ERC2: variants seen among roughly 807,000 people sequenced by gnomAD.
ERC2 encodes the protein ERC protein 2.
ERC2 carries 42 observed loss-of-function variants against 114.8 expected under a neutral mutation model. The observed-to-expected ratio is 0.37, with a 90% CI of 0.29 to 0.47. The LOEUF (loss-of-function observed/expected upper bound fraction) is 0.47, where lower values mean the gene tolerates loss of function less well. Among genes scored for constraint, ERC2 ranks in the 20% least tolerant of loss-of-function variants. ERC2 has a pLI of 0.99. For synonymous variants in ERC2, 454 were observed against 425.5 expected (o/e 1.07, Z -0.82); for missense variants, 939 against 1,150.7 (o/e 0.82, Z 2.66).
intron 15 of ERC2, among the ~76,000 whole-genome samples, chr3:55,719,876 A>T (rs932638849): frequency 7.9e-5 from 12 of 152,042 alleles, no homozygotes; most frequent in African/African-American, 2.7e-4. Context: ...TCATTGTTGG[A>T]TGGGTATAAA....
intron 17 of ERC2, among the ~76,000 whole-genome samples, chr3:55,645,052 G>A (rs908508098): frequency 2.6e-5 from 4 of 152,198 alleles, no homozygotes; most frequent in African/African-American, 9.7e-5. Context: ...GAACCTGGAA[G>A]AGGGTACTTG....
rs2049740701 is a variant in ERC2, at chr3:56,219,378, G to A, written c.1075-45858C>T. 2.6e-5 allele frequency among the ~76,000 whole-genome samples: 4 copies of A among 152,074 alleles called. No individual in the cohort carries two copies. In the South Asian group the frequency reaches 8.3e-4, roughly 31 times the overall value. On this transcript the variant is annotated intron_variant, in intron 3 of 17. Transcript: ENST00000288221. ...GAAACTCTGGTCTAACCTCCAGCAA[G>A]TGATGGAGCCATTCATTTACTTCTT...
chr3:56,450,039 C>A (rs1000917741), intron 1 of ERC2, among the ~76,000 whole-genome samples: 10 of 152,210 alleles, frequency 6.6e-5, no homozygotes, highest in African/African-American at 2.4e-4. Flanking sequence ...TATTATGCAT[C>A]CATAGTTATT....
At chr3:56,439,284 A>C (rs1392242719) in intron 1 of ERC2, among the ~76,000 whole-genome samples, 1 of 152,182 alleles carries the variant, frequency 6.6e-6, no homozygotes, top group Non-Finnish European at 1.5e-5. Context: ...GTCTCTAAAA[A>C]AAATTTTTAA....
chr3:55,734,639 T>C, intron 15 of ERC2, 132 bp downstream of exon 15: 1 of 1,054,684 alleles, frequency 9.5e-7, no homozygotes, highest in Non-Finnish European at 1.3e-6. Context: ...CTGGGTCCAT[T>C]GCACTCCTAC....
rs73078483 is a variant in ERC2, at chr3:56,136,760, C to T, written c.1473+2749G>A. 9.1e-3 allele frequency among the ~76,000 whole-genome samples: 1,385 copies of T among 152,082 alleles called. 6 individuals carry two copies. The highest frequency in any genetic ancestry group is 0.015 in the Non-Finnish European group (1,028 of 68,000). ...TAAATTGCTCCCCCTAAGAGACAGA[C>T]GTAATTAGATAAGTTTCTCCTCTGT... is the stretch of plus-strand genomic sequence containing the variant. On this transcript the variant is annotated intron_variant, in intron 6 of 17. Coordinates refer to ENST00000288221, the MANE Select transcript of ERC2 (RefSeq NM_015576.3).
Position 56,446,625 on chromosome 3 carries a change from C to CTTTTTTTTTTTTTTTTT in ERC2, c.-140-11479_-140-11478insAAAAAAAAAAAAAAAAA, listed in dbSNP as rs1318263302. Among the ~76,000 whole-genome samples, 54 of 112,314 alleles carry CTTTTTTTTTTTTTTTTT rather than the reference C, an allele frequency of 4.8e-4. 1 individual carries two copies. The highest frequency in any genetic ancestry group is 9.4e-4 in the Admixed American group (9 of 9,622). The allele number at this position is 112,314 out of a possible 152,430, so 73.7% of individuals were successfully genotyped here. A position where few individuals can be genotyped will look rare whatever the true frequency, so the allele number is the denominator to read the frequency against. ...CGCATTTTCTTCTTTTTTTTTTTTTCTTTCTTTTTTTTTTTTTTGAGACGG... is the reference window on the plus strand; with the variant it reads ...CGCATTTTCTTCTTTTTTTTTTTTTCTTTTTTTTTTTTTTTTTTTTCTTTTTTTTTTTTTTGAGACGG... On this transcript the variant is annotated intron_variant, in intron 1 of 17. Transcript: ENST00000288221.
At chr3:56,045,059 A>G (rs1261522587) in intron 7 of ERC2, among the ~76,000 whole-genome samples, 1 of 152,196 alleles carries the variant, frequency 6.6e-6, no homozygotes, top group Non-Finnish European at 1.5e-5. Context: ...ATTTTATGGT[A>G]GATTAGAAAA....
At chr3:56,307,053 A>G (rs1560562883) in intron 2 of ERC2, among the ~76,000 whole-genome samples, 1 of 152,190 alleles carries the variant, frequency 6.6e-6, no homozygotes, top group Non-Finnish European at 1.5e-5. Flanking sequence ...GGGCACTGTG[A>G]TACACACTGG....
chr3:55,619,686 A>C (rs1353719523), intron 17 of ERC2, among the ~76,000 whole-genome samples: 1 of 152,206 alleles, frequency 6.6e-6, no homozygotes, highest in Non-Finnish European at 1.5e-5. Context: ...CATGGTAGAC[A>C]TGTACAAAAA....
intron 2 of ERC2, among the ~76,000 whole-genome samples, chr3:56,364,868 C>G (rs960015709): frequency 6.6e-6 from 1 of 152,164 alleles, no homozygotes; most frequent in African/African-American, 2.4e-5. Context: ...GAGCCTCTGG[C>G]CACATGAATG....
chr3:55,972,508 A>T lies in ERC2; in HGVS notation c.2267+13469T>A, dbSNP rs146010107. Among the ~76,000 whole-genome samples the T allele has an allele frequency of 2.0e-3, 298 of 152,266 alleles. 4 individuals are homozygous for T. The highest frequency in any genetic ancestry group is 6.5e-3 in the African/African-American group (269 of 41,546). On this transcript the variant is annotated intron_variant, in intron 12 of 17. Coordinates refer to ENST00000288221, the MANE Select transcript of ERC2 (RefSeq NM_015576.3). The stretch of plus-strand genomic sequence containing the variant: ...GATTCTCACTATTCAACTCCCACCT[A>T]TGAGTGAGAACATGCAGTGTTTGGT...
intron 13 of ERC2, among the ~76,000 whole-genome samples, chr3:55,912,363 T>C (rs1460879079): frequency 6.6e-6 from 1 of 152,144 alleles, no homozygotes; most frequent in Non-Finnish European, 1.5e-5. Flanking sequence ...ATAGGGAACA[T>C]AGTAGCATTC....
intron 2 of ERC2, among the ~76,000 whole-genome samples, chr3:56,402,643 T>A (rs1220674330): frequency 6.6e-6 from 1 of 152,236 alleles, no homozygotes. Context: ...GCTTTGCATA[T>A]GATAGCTGAA....
At chr3:55,739,086 G>A (rs1371076951) in intron 14 of ERC2, among the ~76,000 whole-genome samples, 7 of 152,148 alleles carry the variant, frequency 4.6e-5, no homozygotes, top group Non-Finnish European at 2.9e-5. Context: ...CAAAGGACAT[G>A]AGCTCATCTT....
intron 16 of ERC2, among the ~76,000 whole-genome samples, chr3:55,689,940 T>C (rs2062553883): frequency 6.6e-6 from 1 of 152,186 alleles, no homozygotes; most frequent in Non-Finnish European, 1.5e-5. Context: ...CTTAGACCAA[T>C]ATAACTAGAC....
intron 14 of ERC2, among the ~76,000 whole-genome samples, chr3:55,866,240 C>A (rs1295149322): frequency 6.6e-6 from 1 of 152,062 alleles, no homozygotes; most frequent in Non-Finnish European, 1.5e-5. Context: ...GCTTACTGGT[C>A]ATTTGTATAT....
chr3:56,385,068 T>C (rs2059887443), intron 2 of ERC2, among the ~76,000 whole-genome samples: 1 of 152,130 alleles, frequency 6.6e-6, no homozygotes, highest in Non-Finnish European at 1.5e-5. Context: ...TTCCCAAAAA[T>C]GTGAAATGAA....
chr3:55,696,240 C>G (rs1345108204), intron 16 of ERC2, among the ~76,000 whole-genome samples: 1 of 152,166 alleles, frequency 6.6e-6, no homozygotes, highest in East Asian at 1.9e-4. Flanking sequence ...AGTAACAAGG[C>G]AAATGATTTT....
Sources: allele counts gnomAD v4.1 joint callset (sites outside exome capture counted in the v4.1 genomes callset), GRCh38; gene constraint gnomAD v4.1.1; transcripts MANE v1.5; gene names NCBI Gene and HGNC (gene_info 2026-07-23, HGNC 2026-07-21).